RNASEH1: variants seen among roughly 807,000 people sequenced by gnomAD.
RNASEH1 encodes ribonuclease H type II.
A neutral mutation model predicts 34.6 loss-of-function variants in RNASEH1; 27 were observed. The ratio of observed to expected loss-of-function variants is 0.78; its 90% CI spans 0.58 to 1.08. RNASEH1 has a LOEUF of 1.08. Among genes scored for constraint, RNASEH1 ranks in the 50% least tolerant of loss-of-function variants. The probability of loss-of-function intolerance (pLI) is 0.00; values close to 1 mark genes in which losing one functional copy is unlikely to be tolerated. For missense variants in RNASEH1, 349 were observed against 373.6 expected (o/e 0.93, Z 0.54); for synonymous variants, 162 against 138.4 (o/e 1.17, Z -1.20).
intron 7 of RNASEH1, among the ~76,000 whole-genome samples, chr2:3,547,343 A>T (rs1029666399): frequency 6.6e-6 from 1 of 152,002 alleles, no homozygotes; most frequent in African/African-American, 2.4e-5. Context: ...CCCCTGGCTA[A>T]TTTTTTATTT....
At chr2:3,554,452 TA>T (rs2147769241) in intron 2 of RNASEH1, among the ~76,000 whole-genome samples, 1 of 152,320 alleles carries the variant, frequency 6.6e-6, no homozygotes, top group South Asian at 2.1e-4. Flanking sequence ...TCAGCTTATA[TA>T]AACCATAAGA....
chr2:3,547,268 C>A (rs1166894216), intron 7 of RNASEH1, among the ~76,000 whole-genome samples: 4 of 152,178 alleles, frequency 2.6e-5, no homozygotes, highest in Non-Finnish European at 1.5e-5. Context: ...ACCTCGACCT[C>A]CCCAGCTCAA....
At position 3,545,682 on chromosome 2, in the gene RNASEH1, A is replaced by G; in HGVS notation, c.*103T>C. ...TTCCGTGTGAAAGACGCATCTGCCC[A>G]TCACTGCAATGGTCCTACCTGCAGG... On this transcript the variant is annotated 3_prime_UTR_variant, in exon 8 of 8. Coordinates refer to ENST00000315212, the MANE Select transcript of RNASEH1 (RefSeq NM_002936.6). The G allele has an allele frequency of 1.3e-6, 1 of 769,988 alleles. No individual in the cohort carries two copies. Among genetic ancestry groups the G allele is most frequent in the Non-Finnish European group, 2.4e-6 (1 of 423,342 alleles). The allele number at this position is 769,988 out of a possible 1,614,324, so 47.7% of individuals were successfully genotyped here. A position where few individuals can be genotyped will look rare whatever the true frequency, so the allele number is the denominator to read the frequency against.
Position 3,550,443 on chromosome 2 carries a change from A to T in RNASEH1, c.439T>A (p.Cys147Ser), listed in dbSNP as rs1354702262. 5 of 1,614,192 alleles carry T rather than the reference A, an allele frequency of 3.1e-6. No individual in the cohort carries two copies. The highest frequency in any genetic ancestry group is 4.2e-6 in the Non-Finnish European group (5 of 1,180,006). The change falls in exon 4 of 8, where the codon TGC (cysteine) becomes AGC (serine). Residue 147 changes from cysteine (C) to serine (S), a missense_variant. Transcript: ENST00000315212. ...GDFVVVYTDG[C>S]CSSNGRRRPR... ...CTTCTACGCCCATTACTGGAGCAGC[A>T]GCCATCAGTGTAGACGACGACGAAG...
the RNASEH1 span, among the ~76,000 whole-genome samples, chr2:3,536,224 G>A: frequency 1.3e-5 from 2 of 152,216 alleles, no homozygotes; most frequent in Non-Finnish European, 2.9e-5. Flanking sequence ...AAAGAATGAC[G>A]TGTGTGGCTT....
rs138704909 is a variant in RNASEH1 at position 3,550,462 on chromosome 2, G to A, written c.420C>T (p.Val140=). ...RDTFSYMGDF[V]VVYTDGCCSS... ...AGCAGCAGCCATCAGTGTAGACGAC[G>A]ACGAAGTCTCCTGTGGGAAAAGGAA... Residue 140 remains valine, a synonymous_variant, in exon 4 of 8, where the codon GTC becomes GTT. Coordinates refer to ENST00000315212, the MANE Select transcript of RNASEH1 (RefSeq NM_002936.6). 166 of 1,613,698 alleles carry A rather than the reference G, an allele frequency of 1.0e-4. No homozygotes were observed. Among genetic ancestry groups the A allele is most frequent in the Non-Finnish European group, 1.3e-4 (151 of 1,179,758 alleles).
the RNASEH1 span, among the ~76,000 whole-genome samples, chr2:3,534,941 G>A: frequency 1.3e-5 from 2 of 152,218 alleles, no homozygotes; most frequent in African/African-American, 4.8e-5. Flanking sequence ...TTTATACGGG[G>A]TCCCTAGAGG....
Position 3,544,650 on chromosome 2 carries a change from C to A in RNASEH1, c.*1135G>T, listed in dbSNP as rs1379638088. On this transcript the variant is annotated 3_prime_UTR_variant, in exon 8 of 8. Coordinates refer to ENST00000315212, the MANE Select transcript of RNASEH1 (RefSeq NM_002936.6). The stretch of plus-strand genomic sequence containing the variant: ...TACTATTTCTTCACCAGGTGGTGGA[C>A]ACAAAGGTTATTCACCTTACAATCA... 1 of 152,084 alleles carries A rather than the reference C, an allele frequency of 6.6e-6. No individual in the cohort carries two copies. The highest frequency in any genetic ancestry group is 1.5e-5 in the Non-Finnish European group (1 of 68,014). The allele number at this position is 152,084 out of a possible 1,614,324, so 9.4% of individuals were successfully genotyped here.
At chr2:3,552,771 G>A (rs1027068083) in intron 2 of RNASEH1, among the ~76,000 whole-genome samples, 6 of 152,074 alleles carry the variant, frequency 3.9e-5, no homozygotes, top group Non-Finnish European at 5.9e-5. Flanking sequence ...GCTGACATAC[G>A]AGTATCGCTT....
chr2:3,548,975 T>C (rs775979772), intron 5 of RNASEH1, 83 bp downstream of exon 5: 3 of 1,121,818 alleles, frequency 2.7e-6, no homozygotes, highest in Non-Finnish European at 4.0e-6. Flanking sequence ...TATGTATAGG[T>C]AGAAAAAAAA....
At chr2:3,554,915 C>T (rs1660335848) in intron 2 of RNASEH1, among the ~76,000 whole-genome samples, 1 of 152,234 alleles carries the variant, frequency 6.6e-6, no homozygotes, top group African/African-American at 2.4e-5. Flanking sequence ...CTCAGCATTA[C>T]TGCCTCCATT....
In RNASEH1 at chr2:3,541,502, G is replaced by A. The variant is rs1450037223; in HGVS notation, c.*4283C>T. Among the ~76,000 whole-genome samples the A allele has an allele frequency of 2.0e-5, 3 of 152,090 alleles. No homozygotes were observed. Among genetic ancestry groups the A allele is most frequent in the Non-Finnish European group, 4.4e-5 (3 of 68,026 alleles). ...GAAATAATCGAAATATCGGTCAACA[G>A]GTAAATAAATAAACTGTGGTATATC... On this transcript the variant is annotated 3_prime_UTR_variant, in exon 8 of 8. Transcript: ENST00000315212.
intron 7 of RNASEH1, among the ~76,000 whole-genome samples, chr2:3,547,728 C>T (rs891146476): frequency 2.0e-5 from 3 of 152,114 alleles, no homozygotes; most frequent in Admixed American, 1.3e-4. Flanking sequence ...ACCTCGTGAT[C>T]CACCCACCTC....
rs1021674280 is a variant in RNASEH1, at chr2:3,542,212, T to C, written c.*3573A>G. Among the ~76,000 whole-genome samples, 5 of 152,112 alleles carry C rather than the reference T, an allele frequency of 3.3e-5. No individual in the cohort carries two copies. Among genetic ancestry groups the C allele is most frequent in the African/African-American group, 1.2e-4 (5 of 41,420 alleles). On this transcript the variant is annotated 3_prime_UTR_variant, in exon 8 of 8. Transcript: ENST00000315212. The stretch of plus-strand genomic sequence containing the variant: ...AAGCAAATCTTCTTAAAATAACAGA[T>C]ATGAAGTACACATAGAAAGAGCACA...
intron 2 of RNASEH1, among the ~76,000 whole-genome samples, chr2:3,553,541 C>G (rs987009251): frequency 6.6e-6 from 1 of 151,146 alleles, no homozygotes; most frequent in Non-Finnish European, 1.5e-5. Context: ...AGGCACCCAC[C>G]ACCACACCCA....
rs1397274793 is a variant in RNASEH1 at position 3,545,846 on chromosome 2, A to T, written c.800T>A (p.Phe267Tyr). ...TCTGTCAGCTTCTTCATTGCCTATA[A>T]ATCCCGAATGACCAGGAACATGCAT... ...QWMHVPGHSG[F>Y]IGNEEADRLA... is the part of the protein sequence containing the mutation. The change falls in exon 8 of 8, where the codon TTT (phenylalanine) becomes TAT (tyrosine). Residue 267 changes from phenylalanine (F) to tyrosine (Y), a missense_variant. This residue lies in a region of RNASEH1 where 93 missense variants were observed against 132.9 expected (regional missense o/e 0.70). Coordinates refer to ENST00000315212, the MANE Select transcript of RNASEH1 (RefSeq NM_002936.6). The T allele has an allele frequency of 1.2e-6, 2 of 1,613,362 alleles. No individual in the cohort carries two copies. The highest frequency in any genetic ancestry group is 2.2e-5 in the East Asian group (1 of 44,892).
Position 3,556,974 on chromosome 2 carries a change from A to C in RNASEH1, c.129-70T>G, listed in dbSNP as rs1660568244. ...TATCCCCTTTTTTATTGAGATTCTT[A>C]AGGTTGGAAATACAGTTGTCCCTTG... On this transcript the variant is annotated intron_variant, in intron 1 of 7. Coordinates refer to ENST00000315212, the MANE Select transcript of RNASEH1 (RefSeq NM_002936.6). 12 of 1,182,672 alleles carry C rather than the reference A, an allele frequency of 1.0e-5. No individual in the cohort carries two copies. In the East Asian group the frequency reaches 2.9e-4, roughly 28 times the overall value. 73.3% of individuals were successfully genotyped at this position (1,182,672 alleles called of 1,614,324 possible).
Position 3,545,448 on chromosome 2 carries a change from A to G in RNASEH1, c.*337T>C, listed in dbSNP as rs146150366. On this transcript the variant is annotated 3_prime_UTR_variant, in exon 8 of 8. Coordinates refer to ENST00000315212, the MANE Select transcript of RNASEH1 (RefSeq NM_002936.6). ...ACTTCTGAGTTGCATCTTTTAACCA[A>G]TGGTTTTTTGATTTCTTATCAAAAT... 4,503 of 259,632 alleles carry G rather than the reference A, an allele frequency of 0.017. 86 individuals carry two copies. Among genetic ancestry groups the G allele is most frequent in the South Asian group, 0.054 (796 of 14,760 alleles). The allele number at this position is 259,632 out of a possible 1,614,324, so 16.1% of individuals were successfully genotyped here.
rs553664021 is a variant in RNASEH1 at position 3,553,607 on chromosome 2, G to A, written c.245-1299C>T. On this transcript the variant is annotated intron_variant, in intron 2 of 7. Coordinates refer to ENST00000315212, the MANE Select transcript of RNASEH1 (RefSeq NM_002936.6). The stretch of plus-strand genomic sequence containing the variant: ...GGGGTTTCACCATTTTGGCCAGGCT[G>A]GTCTTGAACTCCTGACCTTGTGATC... Among the ~76,000 whole-genome samples, 6 of 152,140 alleles carry A rather than the reference G, an allele frequency of 3.9e-5. No individual in the cohort carries two copies. The East Asian group carries it at 9.7e-4, about 25-fold the overall frequency.
Sources: gnomAD v4.1 joint callset for allele counts (sites outside exome capture counted in the v4.1 genomes callset) on GRCh38, gnomAD v4.1.1 for gene constraint, gnomAD v4.1.1 regional missense constraint, MANE v1.5 for transcripts, NCBI Gene and HGNC (gene_info 2026-07-23, HGNC 2026-07-21) for gene names.